SRP54: variants seen among roughly 807,000 people sequenced by gnomAD.
SRP54 encodes the protein signal recognition particle 54.
A neutral mutation model predicts 64.8 loss-of-function variants in SRP54; 10 were observed. The observed-to-expected ratio is 0.15, with a 90% CI of 0.10 to 0.26. The LOEUF is 0.26. Among genes scored for constraint, SRP54 ranks in the 10% least tolerant of loss-of-function variants. SRP54 has a pLI of 1.00. For synonymous variants in SRP54, 193 were observed against 185.6 expected (o/e 1.04, Z -0.32); for missense variants, 325 against 613.7 (o/e 0.53, Z 4.97).
chr14:35,009,414 A>G (rs972023735), intron 7 of SRP54, among the ~76,000 whole-genome samples: 1 of 151,096 alleles, frequency 6.6e-6, no homozygotes, highest in African/African-American at 2.4e-5. Context: ...TAGGGGAAAA[A>G]CTTTTTTTGT....
Position 35,019,193 on chromosome 14 carries a change from G to A in SRP54, c.1156+119G>A, listed in dbSNP as rs560326241. 7.6e-5 allele frequency: 52 copies of A among 682,296 alleles called. No homozygotes were observed. In the Admixed American group the frequency reaches 8.9e-4, roughly 12 times the overall value. 42.3% of individuals were successfully genotyped at this position (682,296 alleles called of 1,614,324 possible). On this transcript the variant is annotated intron_variant, in intron 13 of 15. Transcript: ENST00000216774. ...ATTTAGCCTGAAAGATTATTTTTAG[G>A]TAGATTTGTAATAGCTTGAAAGCTC...
At chr14:34,996,158 C>T (rs1370715057) in intron 1 of SRP54, among the ~76,000 whole-genome samples, 2 of 151,878 alleles carry the variant, frequency 1.3e-5, no homozygotes, top group Admixed American at 6.6e-5. Context: ...CTTAGTATAG[C>T]GCTTCGATAT....
rs368641782 is a variant in SRP54 at position 35,008,630 on chromosome 14, G to A, written c.364G>A (p.Ala122Thr). The A allele has an allele frequency of 6.4e-7, 1 of 1,566,402 alleles. No homozygotes were observed. The highest frequency in any genetic ancestry group is 8.7e-7 in the Non-Finnish European group (1 of 1,154,658). ...SGKTTTCSKL[A>T]YYYQRKGWKT... is the part of the protein sequence containing the mutation. Reference sequence around the variant, plus strand: ...TTTTAAATCTTTTCTCACCCAGCTAGCATATTATTACCAGAGGAAAGGTTG... The same window carrying A: ...TTTTAAATCTTTTCTCACCCAGCTAACATATTATTACCAGAGGAAAGGTTG... Residue 122 changes from alanine to threonine, a missense_variant, in exon 6 of 16, where the codon GCA becomes ACA. Physicochemically the swap from Ala to Thr is moderately conservative, Grantham distance 58. This residue lies in a region of SRP54 where 156 missense variants were observed against 254.6 expected (regional missense o/e 0.61). Coordinates refer to ENST00000216774, the MANE Select transcript of SRP54 (RefSeq NM_003136.4).
intron 4 of SRP54, among the ~76,000 whole-genome samples, chr14:35,004,074 G>A (rs57844720): frequency 0.038 from 5,688 of 151,470 alleles, 107 homozygotes; most frequent in South Asian, 0.067. Flanking sequence ...GTGAAACTCC[G>A]TCTCTACTAA....
chr14:35,023,915 A>G (rs1483743931), intron 14 of SRP54, among the ~76,000 whole-genome samples: 2 of 152,098 alleles, frequency 1.3e-5, no homozygotes, highest in South Asian at 2.1e-4. Context: ...ATTCACTTCT[A>G]TATCAGATCA....
At chr14:34,984,024 T>A (rs1360318412) in intron 1 of SRP54, among the ~76,000 whole-genome samples, 1 of 152,160 alleles carries the variant, frequency 6.6e-6, no homozygotes, top group Non-Finnish European at 1.5e-5. Flanking sequence ...GAAAGGAGAT[T>A]AGGTAAGAGG....
At chr14:35,024,215 G>C (rs1266684069) in intron 14 of SRP54, among the ~76,000 whole-genome samples, 1 of 152,114 alleles carries the variant, frequency 6.6e-6, no homozygotes, top group Non-Finnish European at 1.5e-5. Context: ...TTTTAGTAGA[G>C]ACGGGGTTTC....
At chr14:35,005,549 C>T (rs1189079380) in intron 4 of SRP54, among the ~76,000 whole-genome samples, 1 of 151,966 alleles carries the variant, frequency 6.6e-6, no homozygotes, top group Non-Finnish European at 1.5e-5. Flanking sequence ...AGGTGCGTGC[C>T]ACCACACCTG....
At chr14:35,027,899 AAAT>A in intron 14 of SRP54, 186 bp from the exon 15 acceptor site, 1 of 375,174 alleles carries the variant, frequency 2.7e-6, no homozygotes, top group African/African-American at 2.1e-5. Context: ...GGTCTTCAAA[AAAT>A]AGTATGTAAT....
At chr14:35,018,630 A>G (rs2044479102) in intron 11 of SRP54, 62 bp from the exon 12 acceptor site, 1 of 1,263,808 alleles carries the variant, frequency 7.9e-7, no homozygotes, top group Non-Finnish European at 1.1e-6. Context: ...GGAATAAATT[A>G]GTTTTGTTGA....
Position 35,008,788 on chromosome 14 carries a change from C to G in SRP54, c.442C>G (p.Leu148Val). Residue 148 changes from leucine (L) to valine (V), a missense_variant, in exon 7 of 16, where the codon CTA (leucine) becomes GTA (valine). Physicochemically the swap from Leu to Val is conservative, Grantham distance 32. Around this residue, in one of 3 missense-constraint regions of SRP54, gnomAD observed 156 missense variants for 254.6 expected, o/e 0.61. Transcript: ENST00000216774. ...DTFRAGAFDQLKQNATKARIP... is the reference protein window; with the variant it reads ...DTFRAGAFDQVKQNATKARIP... ...TTATCTTCCAGGGGCTTTTGACCAA[C>G]TAAAACAGAATGCTACCAAAGCAAG... The G allele has an allele frequency of 6.2e-7, 1 of 1,606,396 alleles. No homozygotes were observed. The highest frequency in any genetic ancestry group is 8.5e-7 in the Non-Finnish European group (1 of 1,176,772).
At chr14:35,000,889 A>G in intron 3 of SRP54, 47 bp from the exon 4 acceptor site, 1 of 1,038,834 alleles carries the variant, frequency 9.6e-7, no homozygotes, top group Non-Finnish European at 1.4e-6. Context: ...AGAGTTTCTT[A>G]ACTGATTTTC....
intron 1 of SRP54, among the ~76,000 whole-genome samples, chr14:34,994,003 A>T (rs1384840718): frequency 1.5e-5 from 2 of 129,694 alleles, no homozygotes; most frequent in Non-Finnish European, 3.3e-5. Flanking sequence ...CCCAAAATTT[A>T]TTTTTTTTAA....
intron 13 of SRP54, among the ~76,000 whole-genome samples, chr14:35,022,687 CAT>C (rs945817963): frequency 1.3e-5 from 2 of 152,104 alleles, no homozygotes; most frequent in Admixed American, 6.6e-5. Flanking sequence ...CAAAAGCAAA[CAT>C]AGCGAATGTT....
rs201328930 is a variant in SRP54, at chr14:35,020,711, T to C, written c.1156+1637T>C. Among the ~76,000 whole-genome samples, 3 of 152,346 alleles carry C rather than the reference T, an allele frequency of 2.0e-5. No homozygotes were observed. The East Asian group carries it at 5.8e-4, about 29-fold the overall frequency. ...TTAACACTGCAAAAATGTTTGCATG[T>C]AGAATTCATAATTGCAGCATATCTA... On this transcript the variant is annotated intron_variant, in intron 13 of 15. Coordinates refer to ENST00000216774, the MANE Select transcript of SRP54 (RefSeq NM_003136.4).
intron 14 of SRP54, among the ~76,000 whole-genome samples, chr14:35,026,203 TTTG>T (rs774775142): frequency 5.3e-5 from 8 of 152,100 alleles, no homozygotes; most frequent in South Asian, 4.1e-4. Context: ...TTGTTTATTT[TTTG>T]TTGTTTTTTG....
At chr14:35,026,172 T>C (rs377370803) in intron 14 of SRP54, among the ~76,000 whole-genome samples, 52,470 of 151,676 alleles carry the variant, frequency 0.35, 9,676 homozygotes, top group East Asian at 0.69. Context: ...TATTCTGTTG[T>C]TGTTTTTTTA....
rs1555352664 is a variant in SRP54 at position 34,987,275 on chromosome 14, G to GTGTGTA, written c.-34+4061_-34+4062insGTGTAT. On this transcript the variant is annotated intron_variant, in intron 1 of 15. Coordinates refer to ENST00000216774, the MANE Select transcript of SRP54 (RefSeq NM_003136.4). ...TATATATATATGTGTGTGTGTGTGTGTATATATATATACACACACACACAC... is the reference window on the plus strand; with the variant it reads ...TATATATATATGTGTGTGTGTGTGTGTGTGTATATATATATATACACACACACACAC... Among the ~76,000 whole-genome samples, 249 of 131,504 alleles carry GTGTGTA rather than the reference G, an allele frequency of 1.9e-3. 1 individual carries two copies. Among genetic ancestry groups the GTGTGTA allele is most frequent in the Middle Eastern group, 4.2e-3 (1 of 240 alleles). The allele number at this position is 131,504 out of a possible 152,430, so 86.3% of individuals were successfully genotyped here. A position where few individuals can be genotyped will look rare whatever the true frequency, so the allele number is the denominator to read the frequency against.
intron 4 of SRP54, among the ~76,000 whole-genome samples, chr14:35,002,131 AC>A (rs2044183220): frequency 6.6e-6 from 1 of 152,070 alleles, no homozygotes; most frequent in South Asian, 2.1e-4. Context: ...GAGATGGGTA[AC>A]CACCTGAGGT....
Sources: allele counts gnomAD v4.1 joint callset (sites outside exome capture counted in the v4.1 genomes callset), GRCh38; gene constraint gnomAD v4.1.1; regional missense constraint gnomAD v4.1.1; transcripts MANE v1.5; gene names NCBI Gene and HGNC (gene_info 2026-07-23, HGNC 2026-07-21).